The following HTR2C variants were observed in gnomAD, a reference collection of about 807,000 sequenced individuals.
The protein encoded by HTR2C is 5-hydroxytryptamine receptor 2C, also known as 5-hydroxytryptamine (serotonin) receptor 2C, G protein-coupled.
Under a neutral mutation model 21.0 loss-of-function variants are expected in HTR2C, and 5 were observed. The ratio of observed to expected loss-of-function variants is 0.24; its 90% CI spans 0.12 to 0.50. The LOEUF is 0.50. HTR2C is among the 20% of genes least tolerant of loss of function. The probability of loss-of-function intolerance (pLI) is 0.98; values close to 1 mark genes in which losing one functional copy is unlikely to be tolerated. For synonymous variants in HTR2C, 150 were observed against 145.3 expected (o/e 1.03, Z -0.23); for missense variants, 271 against 371.2 (o/e 0.73, Z 2.22).
At chrX:114,810,207 T>A (rs2070518015) in intron 4 of HTR2C, among the ~76,000 whole-genome samples, 1 of 110,392 alleles carries the variant, frequency 9.1e-6, no homozygotes, top group African/African-American at 3.3e-5. Context: ...AGGGAAGGAG[T>A]CTCTCCCAGA....
intron 4 of HTR2C, among the ~76,000 whole-genome samples, chrX:114,772,482 C>T (rs1224999311): frequency 1.4e-4 from 2 of 14,202 alleles, no homozygotes; most frequent in African/African-American, 2.4e-4. Flanking sequence ...CGGGGCGGGG[C>T]GTGGTGGGGG....
intron 2 of HTR2C, among the ~76,000 whole-genome samples, chrX:114,619,416 A>T (rs1390267670): frequency 9.0e-6 from 1 of 111,437 alleles, no homozygotes; most frequent in African/African-American, 3.3e-5. Flanking sequence ...AATCTTTATC[A>T]TGGTTTATAA....
chrX:114,748,617 T>G (rs1351530303), intron 4 of HTR2C, among the ~76,000 whole-genome samples: 1 of 111,922 alleles, frequency 8.9e-6, no homozygotes, highest in Non-Finnish European at 1.9e-5. Flanking sequence ...AATCAATTAA[T>G]ATTTTTACTA....
Position 114,907,862 on chromosome X carries a change from ACACT to A in HTR2C, c.*448_*451del. 1.7e-5 allele frequency: 2 copies of A among 119,968 alleles called. No homozygotes were observed. The highest frequency in any genetic ancestry group is 3.5e-5 in the Non-Finnish European group (2 of 57,365). The allele number at this position is 119,968 out of a possible 1,213,427, so 9.9% of individuals were successfully genotyped here. A position where few individuals can be genotyped will look rare whatever the true frequency, so the allele number is the denominator to read the frequency against. The stretch of plus-strand genomic sequence containing the variant: ...TTTGTTCTGGGTTAACAGTAAATAT[ACACT>A]TTACATTCTTGCTCTGCTCATCTAC... On this transcript the variant is annotated 3_prime_UTR_variant, in exon 6 of 6. Transcript: ENST00000276198.
At chrX:114,783,324 G>C (rs2070138958) in intron 4 of HTR2C, among the ~76,000 whole-genome samples, 1 of 111,691 alleles carries the variant, frequency 9.0e-6, no homozygotes, top group African/African-American at 3.2e-5. Flanking sequence ...AAGAAAGATG[G>C]TATAGCTACT....
intron 4 of HTR2C, among the ~76,000 whole-genome samples, chrX:114,829,248 G>A (rs1458242182): frequency 9.1e-6 from 1 of 109,662 alleles, no homozygotes; most frequent in Non-Finnish European, 1.9e-5. Flanking sequence ...TTGTGTTTAC[G>A]GTCAACCTGG....
intron 2 of HTR2C, among the ~76,000 whole-genome samples, chrX:114,705,205 T>C (rs1412071296): frequency 1.8e-5 from 2 of 110,031 alleles, no homozygotes; most frequent in Admixed American, 9.9e-5. Context: ...TGGAAAAAAA[T>C]ACTTTAAAGT....
At chrX:114,620,367 A>G (rs782326177) in intron 2 of HTR2C, among the ~76,000 whole-genome samples, 6 of 112,144 alleles carry the variant, frequency 5.4e-5, no homozygotes, top group Admixed American at 2.9e-4. Context: ...ATCAAATCAT[A>G]TCACTGCTAT....
intron 2 of HTR2C, among the ~76,000 whole-genome samples, chrX:114,719,763 T>C (rs1933122952): frequency 9.0e-6 from 1 of 111,459 alleles, no homozygotes; most frequent in East Asian, 2.8e-4. Context: ...AATATACATG[T>C]AAAAAAGCAT....
chrX:114,699,310 T>G (rs1556416327), intron 2 of HTR2C, among the ~76,000 whole-genome samples: 1 of 111,856 alleles, frequency 8.9e-6, no homozygotes, highest in African/African-American at 3.3e-5. Flanking sequence ...CAGGTTCCAG[T>G]TAATTGTTAA....
intron 2 of HTR2C, among the ~76,000 whole-genome samples, chrX:114,644,408 T>TATATATATATATATATATA (rs1556407146): frequency 1.3e-5 from 1 of 78,089 alleles, no homozygotes; most frequent in Non-Finnish European, 2.4e-5. Flanking sequence ...TATATATATA[T>TATATATATATATATATATA]TTCTGAGAAG....
At chrX:114,864,110 G>T (rs893239429) in intron 5 of HTR2C, among the ~76,000 whole-genome samples, 8 of 108,947 alleles carry the variant, frequency 7.3e-5, no homozygotes, top group Admixed American at 6.9e-4. Context: ...TTTGATAAGA[G>T]AATTTAATCC....
intron 1 of HTR2C, among the ~76,000 whole-genome samples, chrX:114,613,372 G>A (rs1264574763): frequency 9.0e-6 from 1 of 111,708 alleles, no homozygotes; most frequent in Non-Finnish European, 1.9e-5. Flanking sequence ...TCATGGCGCT[G>A]GTGAGAGTGT....
intron 1 of HTR2C, among the ~76,000 whole-genome samples, chrX:114,612,950 T>A (rs782589799): frequency 7.3e-4 from 80 of 108,999 alleles, no homozygotes; most frequent in East Asian, 1.1e-3. Flanking sequence ...ATTTTATTTT[T>A]TTTTTGAGAC....
intron 4 of HTR2C, among the ~76,000 whole-genome samples, chrX:114,746,695 A>C (rs1556426170): frequency 9.0e-6 from 1 of 111,068 alleles, no homozygotes; most frequent in African/African-American, 3.3e-5. Flanking sequence ...CTCTAAAAAA[A>C]AAAAGAGAGG....
At chrX:114,799,342 A>T in intron 4 of HTR2C, among the ~76,000 whole-genome samples, 1 of 110,927 alleles carries the variant, frequency 9.0e-6, no homozygotes. Flanking sequence ...ATTATAAAAT[A>T]ACAGTAAGAT....
rs1173042680 is a variant in HTR2C, at chrX:114,885,075, A to G, written c.551-21514A>G. On this transcript the variant is annotated intron_variant, in intron 5 of 5. Transcript: ENST00000276198. ...AGATCAGGAAAAATAACTAATGGGT[A>G]CTAAGCTTAATACCTGGGTGACAAA... Among the ~76,000 whole-genome samples the G allele has an allele frequency of 2.7e-5, 3 of 111,040 alleles. No homozygotes were observed. In the Admixed American group the frequency reaches 2.9e-4, roughly 11 times the overall value.
Position 114,860,242 on chromosome X carries a change from A to G in HTR2C, c.550+12039A>G, listed in dbSNP as rs925881026. ...TCTGACAATCATCATGGATTTGTCT[A>G]TCTCTCCTTTTAGTTTTTTTAACAT... On this transcript the variant is annotated intron_variant, in intron 5 of 5. Transcript: ENST00000276198. 4.5e-5 allele frequency among the ~76,000 whole-genome samples: 5 copies of G among 111,458 alleles called. No homozygotes were observed. The East Asian group carries it at 8.4e-4, about 19-fold the overall frequency.
intron 1 of HTR2C, among the ~76,000 whole-genome samples, chrX:114,600,811 C>T (rs1429294993): frequency 9.0e-6 from 1 of 111,399 alleles, no homozygotes; most frequent in African/African-American, 3.3e-5. Context: ...AAACATGGCA[C>T]TTGCATTTTA....
Sources: gnomAD v4.1 joint callset for allele counts (sites outside exome capture counted in the v4.1 genomes callset) on GRCh38, gnomAD v4.1.1 for gene constraint, MANE v1.5 for transcripts, NCBI Gene and HGNC (gene_info 2026-07-23, HGNC 2026-07-21) for gene names.